Variants in ACVR1C observed in about 807,000 individuals in gnomAD.
ACVR1C encodes activin receptor type-1C.
ACVR1C carries 23 observed loss-of-function variants against 57.9 expected under a neutral mutation model. The observed-to-expected ratio is 0.40, with a 90% CI of 0.29 to 0.56. The LOEUF (loss-of-function observed/expected upper bound fraction) is 0.56, where lower values mean the gene tolerates loss of function less well. Among genes scored for constraint, ACVR1C ranks in the 20% least tolerant of loss-of-function variants. The pLI, the probability that ACVR1C is intolerant of heterozygous loss-of-function variation, is 0.50. For synonymous variants in ACVR1C, 214 were observed against 215.3 expected, an observed-to-expected ratio of 0.99 and a Z score of 0.05; for missense variants, 480 against 607.9, an observed-to-expected ratio of 0.79 and a Z score of 2.21.
In ACVR1C at chr2:157,531,229, A is replaced by G. The variant is rs189727378; in HGVS notation, c.*2689T>C. 1 of 152,172 alleles carries G rather than the reference A, an allele frequency of 6.6e-6. No individual in the cohort carries two copies. Among genetic ancestry groups the G allele is most frequent in the East Asian group, 1.9e-4 (1 of 5,190 alleles). 9.4% of individuals were successfully genotyped at this position (152,172 alleles called of 1,614,324 possible). Reference sequence around the variant, plus strand: ...CTATTTTTGTAAGTGAGCATGTTCTATATATAATCCTGTTAAGAGTAAAGG... The same window carrying G: ...CTATTTTTGTAAGTGAGCATGTTCTGTATATAATCCTGTTAAGAGTAAAGG... On this transcript the variant is annotated 3_prime_UTR_variant, in exon 9 of 9. Coordinates refer to ENST00000243349, the MANE Select transcript of ACVR1C (RefSeq NM_145259.3).
intron 2 of ACVR1C, among the ~76,000 whole-genome samples, chr2:157,574,268 G>A (rs988625085): frequency 6.6e-6 from 1 of 152,200 alleles, no homozygotes; most frequent in Non-Finnish European, 1.5e-5. Context: ...TATGTTTGGT[G>A]AAGGGCTGCT....
chr2:157,610,169 T>G (rs1345122106), intron 1 of ACVR1C, among the ~76,000 whole-genome samples: 1 of 152,148 alleles, frequency 6.6e-6, no homozygotes, highest in East Asian at 1.9e-4. Flanking sequence ...TTCATGATGG[T>G]AATCTTTTTC....
At position 157,533,871 on chromosome 2, in the gene ACVR1C, T is replaced by C. The variant is rs756457145; in HGVS notation, c.*47A>G. The C allele has an allele frequency of 2.0e-6, 3 of 1,475,696 alleles. No homozygotes were observed. In the Admixed American group the frequency reaches 7.5e-5, roughly 37 times the overall value. 91.4% of individuals were successfully genotyped at this position (1,475,696 alleles called of 1,614,324 possible). ...AAAAACATTCACATAAAGGGGAAAA[T>C]GGAAAAGAAAGCTATGAGAGATTTC... On this transcript the variant is annotated 3_prime_UTR_variant, in exon 9 of 9. Coordinates refer to ENST00000243349, the MANE Select transcript of ACVR1C (RefSeq NM_145259.3).
intron 1 of ACVR1C, among the ~76,000 whole-genome samples, chr2:157,598,931 T>C (rs1558992592): frequency 1.3e-5 from 2 of 152,126 alleles, no homozygotes; most frequent in Non-Finnish European, 1.5e-5. Flanking sequence ...TTCCAACCTA[T>C]TGTGTTAACA....
chr2:157,588,807 A>C (rs912848945), intron 1 of ACVR1C, among the ~76,000 whole-genome samples: 1 of 144,352 alleles, frequency 6.9e-6, no homozygotes. Context: ...TCTATGATAT[A>C]TATGCCACAC....
chr2:157,623,440 T>C (rs942008592), intron 1 of ACVR1C, among the ~76,000 whole-genome samples: 2 of 152,174 alleles, frequency 1.3e-5, no homozygotes, highest in East Asian at 1.9e-4. Flanking sequence ...AAGAATGAGA[T>C]CCAGTCATTT....
intron 1 of ACVR1C, among the ~76,000 whole-genome samples, chr2:157,591,145 T>C (rs559846310): frequency 2.0e-5 from 3 of 151,996 alleles, no homozygotes; most frequent in Admixed American, 1.3e-4. Context: ...TGAACTAGGG[T>C]GCAGAGACCA....
In ACVR1C at chr2:157,593,618, A is replaced by G. The variant is rs531052445; in HGVS notation, c.74-6201T>C. 2.0e-5 allele frequency among the ~76,000 whole-genome samples: 3 copies of G among 152,332 alleles called. No individual in the cohort carries two copies. The South Asian group carries it at 6.2e-4, about 32-fold the overall frequency. ...CAAGCTTTTCAGTGTGCTGAATATG[A>G]AAAGTACAGCAGCAGGAAAGAAGCC... On this transcript the variant is annotated intron_variant, in intron 1 of 8. Coordinates refer to ENST00000243349, the MANE Select transcript of ACVR1C (RefSeq NM_145259.3).
At chr2:157,565,859 C>A (rs1178248394) in intron 2 of ACVR1C, among the ~76,000 whole-genome samples, 5 of 152,252 alleles carry the variant, frequency 3.3e-5, no homozygotes, top group Non-Finnish European at 5.9e-5. Flanking sequence ...GGCTGCAAAT[C>A]TTCTTTTATC....
At chr2:157,596,988 C>T (rs866087660) in intron 1 of ACVR1C, among the ~76,000 whole-genome samples, 2 of 152,148 alleles carry the variant, frequency 1.3e-5, no homozygotes, top group South Asian at 2.1e-4. Flanking sequence ...CTACTGAATC[C>T]GGCTGGGGCT....
chr2:157,546,945 C>T (rs1028251539), intron 4 of ACVR1C, among the ~76,000 whole-genome samples: 1 of 151,256 alleles, frequency 6.6e-6, no homozygotes, highest in African/African-American at 2.4e-5. Flanking sequence ...TTAGGTATAT[C>T]TCCCGATGCT....
rs934854763 is a variant in ACVR1C, at chr2:157,528,471, C to T, written c.*5447G>A. The T allele has an allele frequency of 4.6e-5, 7 of 151,972 alleles. No homozygotes were observed. The highest frequency in any genetic ancestry group is 1.5e-4 in the African/African-American group (6 of 41,378). 9.4% of individuals were successfully genotyped at this position (151,972 alleles called of 1,614,324 possible). On this transcript the variant is annotated 3_prime_UTR_variant, in exon 9 of 9. Coordinates refer to ENST00000243349, the MANE Select transcript of ACVR1C (RefSeq NM_145259.3). ...GGATGAAATACAGCTCATATTCTCT[C>T]GAATGTATTCATCTACAACTGAAAG...
At chr2:157,565,602 T>A (rs1347689170) in intron 2 of ACVR1C, among the ~76,000 whole-genome samples, 1 of 152,172 alleles carries the variant, frequency 6.6e-6, no homozygotes, top group Non-Finnish European at 1.5e-5. Flanking sequence ...AGAGATCAAA[T>A]CAAGCCATGA....
Position 157,533,882 on chromosome 2 carries a change from G to C in ACVR1C, c.*36C>G, listed in dbSNP as rs571782837. Reference sequence around the variant, plus strand: ...CATAAAGGGGAAAATGGAAAAGAAAGCTATGAGAGATTTCTTTTTAACATA... The same window carrying C: ...CATAAAGGGGAAAATGGAAAAGAAACCTATGAGAGATTTCTTTTTAACATA... On this transcript the variant is annotated 3_prime_UTR_variant, in exon 9 of 9. Transcript: ENST00000243349. 1.3e-6 allele frequency: 2 copies of C among 1,499,102 alleles called. No individual in the cohort carries two copies. The allele number at this position is 1,499,102 out of a possible 1,614,324, so 92.9% of individuals were successfully genotyped here.
chr2:157,552,003 A>T (rs1277556246), intron 3 of ACVR1C, among the ~76,000 whole-genome samples: 1 of 152,230 alleles, frequency 6.6e-6, no homozygotes, highest in Non-Finnish European at 1.5e-5. Flanking sequence ...GCCCCTCGAT[A>T]ATCAAAGTCT....
In ACVR1C at chr2:157,625,555, ACT is replaced by A. The variant is rs549010520; in HGVS notation, c.73+3015_73+3016del. 2.3e-4 allele frequency among the ~76,000 whole-genome samples: 30 copies of A among 128,342 alleles called. 1 individual carries two copies. The South Asian group carries it at 6.1e-3, about 26-fold the overall frequency. 84.2% of individuals were successfully genotyped at this position (128,342 alleles called of 152,430 possible). On this transcript the variant is annotated intron_variant, in intron 1 of 8. Transcript: ENST00000243349. ...TTCACTTCCAGCAACACTGTGGAAA[ACT>A]CTTAGTGGAAACTGCTAACTATTGT... is the stretch of plus-strand genomic sequence containing the variant.
chr2:157,554,565 GTGT>G (rs1236615448), intron 3 of ACVR1C, among the ~76,000 whole-genome samples: 1 of 152,132 alleles, frequency 6.6e-6, no homozygotes, highest in African/African-American at 2.4e-5. Context: ...TACAGTGATG[GTGT>G]AAACATTTAG....
Position 157,559,996 on chromosome 2 carries a change from C to T in ACVR1C, c.305-3664G>A, listed in dbSNP as rs182084938. 2.8e-4 allele frequency among the ~76,000 whole-genome samples: 42 copies of T among 150,936 alleles called. No homozygotes were observed. In the East Asian group the frequency reaches 7.8e-3, roughly 28 times the overall value. On this transcript the variant is annotated intron_variant, in intron 2 of 8. Transcript: ENST00000243349. ...GAAAAGGAGGGAGGGAGGGAGGAAA[C>T]GAAGGAAGGAAGGAAGGAAATTTTA...
At chr2:157,545,887 G>GC (rs1283911573) in intron 4 of ACVR1C, among the ~76,000 whole-genome samples, 1 of 152,028 alleles carries the variant, frequency 6.6e-6, no homozygotes, top group Non-Finnish European at 1.5e-5. Context: ...CAATTCTCCT[G>GC]CCCCCACCTC....
Sources: gnomAD v4.1 joint callset for allele counts (sites outside exome capture counted in the v4.1 genomes callset) on GRCh38, gnomAD v4.1.1 for gene constraint, MANE v1.5 for transcripts, NCBI Gene and HGNC (gene_info 2026-07-23, HGNC 2026-07-21) for gene names.